Variants in SHTN1 observed in about 807,000 individuals in gnomAD.
SHTN1 encodes shootin-1.
A neutral mutation model predicts 83.1 loss-of-function variants in SHTN1; 42 were observed. That is an observed-to-expected ratio of 0.51 (90% CI 0.39 to 0.65). SHTN1 has a LOEUF of 0.65. SHTN1 is among the 30% of genes least tolerant of loss of function. The probability of loss-of-function intolerance (pLI) is 0.00; values close to 1 mark genes in which losing one functional copy is unlikely to be tolerated. For synonymous variants in SHTN1, 224 were observed against 247.7 expected, an observed-to-expected ratio of 0.90 and a Z score of 0.90; for missense variants, 622 against 737.8, an observed-to-expected ratio of 0.84 and a Z score of 1.82.
At chr10:117,041,412 G>C (rs1852582391) in intron 2 of SHTN1, among the ~76,000 whole-genome samples, 1 of 152,128 alleles carries the variant, frequency 6.6e-6, no homozygotes, top group Non-Finnish European at 1.5e-5. Context: ...GAGTAAATAA[G>C]TGATACTATT....
At chr10:116,961,840 C>T (rs946691083) in intron 3 of SHTN1, among the ~76,000 whole-genome samples, 1 of 152,186 alleles carries the variant, frequency 6.6e-6, no homozygotes, top group African/African-American at 2.4e-5. Flanking sequence ...TCTCAGAGGA[C>T]AGTGATTATA....
At chr10:116,971,010 A>G (rs1193579440) in intron 2 of SHTN1, among the ~76,000 whole-genome samples, 1 of 152,198 alleles carries the variant, frequency 6.6e-6, no homozygotes, top group Non-Finnish European at 1.5e-5. Context: ...GGTATTTGTT[A>G]TACTATTCTC....
intron 14 of SHTN1, 25 bp downstream of exon 14, chr10:116,911,758 TAGCTAAA>T: frequency 6.3e-7 from 1 of 1,590,280 alleles, no homozygotes; most frequent in Non-Finnish European, 8.6e-7. Flanking sequence ...ATTTCCCCAT[TAGCTAAA>T]CAATAAACTG....
chr10:116,997,071 AAAGAC>A (rs1426177250), intron 1 of SHTN1, among the ~76,000 whole-genome samples: 1 of 152,206 alleles, frequency 6.6e-6, no homozygotes, highest in African/African-American at 2.4e-5. Flanking sequence ...ACAGAATTAC[AAAGAC>A]AAGAGGTCTA....
At position 117,037,703 on chromosome 10, in the gene SHTN1, G is replaced by A. The variant is rs190871054; in HGVS notation, c.-123+10742C>T. On this transcript the variant is annotated intron_variant, in intron 2 of 17. Transcript: ENST00000392901. The stretch of plus-strand genomic sequence containing the variant: ...ACAGTGTGATACTGGTGAAAGAACA[G>A]ACAAATAAATCAGTAAACCAGAGGC... Among the ~76,000 whole-genome samples the A allele has an allele frequency of 3.3e-5, 5 of 152,190 alleles. No individual in the cohort carries two copies. The East Asian group carries it at 7.7e-4, about 24-fold the overall frequency.
intron 1 of SHTN1, among the ~76,000 whole-genome samples, chr10:117,106,231 C>T (rs1358329235): frequency 2.6e-5 from 4 of 151,718 alleles, no homozygotes; most frequent in Non-Finnish European, 5.9e-5. Context: ...CTGAGGTGGG[C>T]GAATCAGGAG....
In SHTN1 at chr10:116,893,576, G is replaced by GCGCGCACACACACACACACACA. The variant is rs1554905664; in HGVS notation, c.1674-7011_1674-7010insTGTGTGTGTGTGTGTGTGCGCG. Among the ~76,000 whole-genome samples, 30 of 123,594 alleles carry GCGCGCACACACACACACACACA rather than the reference G, an allele frequency of 2.4e-4. No homozygotes were observed. In the East Asian group the frequency reaches 7.1e-3, roughly 29 times the overall value. 81.1% of individuals were successfully genotyped at this position (123,594 alleles called of 152,430 possible). On this transcript the variant is annotated intron_variant, in intron 16 of 16. Coordinates refer to ENST00000355371, the MANE Select transcript of SHTN1 (RefSeq NM_001127211.3). ...CCCCCTCCCTGATAGGCACTCATGTGCACACACACACACACACACACGAGA... is the reference window on the plus strand; with the variant it reads ...CCCCCTCCCTGATAGGCACTCATGTGCGCGCACACACACACACACACACACACACACACACACACACACGAGA...
At chr10:116,925,491 T>C (rs1413844629) in intron 11 of SHTN1, among the ~76,000 whole-genome samples, 1 of 152,222 alleles carries the variant, frequency 6.6e-6, no homozygotes, top group African/African-American at 2.4e-5. Context: ...AACCACACCA[T>C]TGACACTTTT....
intron 12 of SHTN1, among the ~76,000 whole-genome samples, chr10:116,916,777 A>C (rs1848399372): frequency 6.6e-6 from 1 of 152,222 alleles, no homozygotes; most frequent in Non-Finnish European, 1.5e-5. Context: ...CCTCATCTGT[A>C]CAAGTCCACA....
At chr10:116,945,586 TC>T in intron 7 of SHTN1, among the ~76,000 whole-genome samples, 1 of 152,318 alleles carries the variant, frequency 6.6e-6, no homozygotes, top group South Asian at 2.1e-4. Flanking sequence ...AAGATGCTCA[TC>T]TTCATTAGGA....
At chr10:117,121,940 G>A (rs1281287024) in intron 1 of SHTN1, among the ~76,000 whole-genome samples, 2 of 152,118 alleles carry the variant, frequency 1.3e-5, no homozygotes, top group African/African-American at 4.8e-5. Flanking sequence ...GCTGAGGCAG[G>A]AGAATGGCGT....
intron 9 of SHTN1, among the ~76,000 whole-genome samples, chr10:116,937,672 GGTGTTTTCT>G (rs1319048373): frequency 2.0e-5 from 3 of 151,980 alleles, no homozygotes; most frequent in East Asian, 1.9e-4. Context: ...GTATCTTTGT[GGTGTTTTCT>G]GTGTTTTCTG....
At chr10:117,098,570 C>T (rs192731091) in intron 1 of SHTN1, among the ~76,000 whole-genome samples, 162 of 152,188 alleles carry the variant, frequency 1.1e-3, no homozygotes, top group African/African-American at 3.7e-3. Context: ...AGCCACTTAA[C>T]GCTTCCCACT....
intron 1 of SHTN1, among the ~76,000 whole-genome samples, chr10:117,119,392 T>C (rs186922473): frequency 2.0e-5 from 3 of 152,256 alleles, no homozygotes; most frequent in African/African-American, 4.8e-5. Context: ...AGGATTTCAA[T>C]AGACATTTCT....
At position 117,082,991 on chromosome 10, in the gene SHTN1, T is replaced by C. The variant is rs1853293335; in HGVS notation, c.-188-34481A>G. ...TGATGGGTCTTGACTCTTTATCCAA[T>C]TTGCCAGTCTGTGTCTTTTAATTGG... On this transcript the variant is annotated intron_variant, in intron 1 of 17. Transcript: ENST00000392901. 2.7e-5 allele frequency among the ~76,000 whole-genome samples: 4 copies of C among 150,320 alleles called. No homozygotes were observed. In the Admixed American group the frequency reaches 2.7e-4, roughly 10 times the overall value.
intron 9 of SHTN1, among the ~76,000 whole-genome samples, chr10:116,930,236 T>A (rs543908111): frequency 1.3e-5 from 2 of 152,246 alleles, no homozygotes; most frequent in Admixed American, 1.3e-4. Context: ...ACTTTAATTT[T>A]TTTTAAGTTT....
At chr10:117,112,012 C>A (rs1213947509) in intron 1 of SHTN1, among the ~76,000 whole-genome samples, 5 of 152,128 alleles carry the variant, frequency 3.3e-5, no homozygotes, top group Admixed American at 3.3e-4. Flanking sequence ...GTCACCCAGG[C>A]TGGAGTCCAG....
intron 1 of SHTN1, among the ~76,000 whole-genome samples, chr10:117,124,174 T>C (rs1274150631): frequency 6.8e-6 from 1 of 147,950 alleles, no homozygotes; most frequent in Non-Finnish European, 1.5e-5. Context: ...TCTGCACCAC[T>C]GCACTCCAGC....
intron 1 of SHTN1, 125 bp from the exon 2 acceptor site, chr10:116,979,433 G>A (rs1850937647): frequency 2.7e-6 from 2 of 732,128 alleles, no homozygotes; most frequent in Non-Finnish European, 4.7e-6. Context: ...AGAGGCTGCA[G>A]AAAAGGGGCT....
Sources: gnomAD v4.1 joint callset for allele counts (sites outside exome capture counted in the v4.1 genomes callset) on GRCh38, gnomAD v4.1.1 for gene constraint, MANE v1.5 for transcripts, NCBI Gene and HGNC (gene_info 2026-07-23, HGNC 2026-07-21) for gene names.